AKAP13: variants seen among roughly 807,000 people sequenced by gnomAD.
The protein encoded by AKAP13 is A-kinase anchoring protein 13.
Under a neutral mutation model 264.5 loss-of-function variants are expected in AKAP13, and 80 were observed. That is an observed-to-expected ratio of 0.30 (90% CI 0.25 to 0.36). The LOEUF (loss-of-function observed/expected upper bound fraction) is 0.36. Ranked by LOEUF, AKAP13 falls within the 10% of genes least tolerant of loss-of-function variation. The pLI, the probability that AKAP13 is intolerant of heterozygous loss-of-function variation, is 1.00. For missense variants in AKAP13, 3,712 were observed against 3,435.2 expected (o/e 1.08, Z -2.01); for synonymous variants, 1,380 against 1,250.2 (o/e 1.10, Z -2.19).
intron 10 of AKAP13, among the ~76,000 whole-genome samples, chr15:85,648,313 A>G (rs1478513907): frequency 6.6e-6 from 1 of 152,242 alleles, no homozygotes; most frequent in Non-Finnish European, 1.5e-5. Context: ...TGTCTTTGTT[A>G]AGAAATACTT....
Position 85,581,135 on chromosome 15 carries a change from A to T in AKAP13, c.3067A>T (p.Ser1023Cys), listed in dbSNP as rs1166205201. The change falls in exon 7 of 37, where the codon AGT becomes TGT. Residue 1023 changes from serine (S) to cysteine (C), a missense_variant. By Grantham distance (112) the Ser-to-Cys change is moderately radical. Around this residue, in one of 3 missense-constraint regions of AKAP13, gnomAD observed 2,759 missense variants for 2,411.7 expected, o/e 1.14. Coordinates refer to ENST00000394518, the MANE Select transcript of AKAP13 (RefSeq NM_007200.5). ...AAQSLVPPGA[S>C]LATESRQEAL... is the part of the protein sequence containing the mutation. ...CCAGAGCCTGGTGCCACCAGGAGCAAGTCTGGCCACAGAGTCAAGGCAGGA... is the reference window on the plus strand; with the variant it reads ...CCAGAGCCTGGTGCCACCAGGAGCATGTCTGGCCACAGAGTCAAGGCAGGA... 1.2e-6 allele frequency: 2 copies of T among 1,614,040 alleles called. No individual in the cohort carries two copies. Among genetic ancestry groups the T allele is most frequent in the Non-Finnish European group, 1.7e-6 (2 of 1,179,954 alleles).
At chr15:85,738,359 T>C (rs2088695150) in intron 33 of AKAP13, among the ~76,000 whole-genome samples, 1 of 151,586 alleles carries the variant, frequency 6.6e-6, no homozygotes, top group Non-Finnish European at 1.5e-5. Context: ...ACCACTGCAC[T>C]CCAGCCTGGA....
At chr15:85,424,302 C>G (rs1403456688) in intron 1 of AKAP13, among the ~76,000 whole-genome samples, 1 of 152,176 alleles carries the variant, frequency 6.6e-6, no homozygotes, top group Non-Finnish European at 1.5e-5. Context: ...CATCATTTGT[C>G]TAGATTGTCT....
chr15:85,386,755 C>T (rs1020257171), intron 1 of AKAP13, among the ~76,000 whole-genome samples: 2 of 148,184 alleles, frequency 1.3e-5, no homozygotes, highest in South Asian at 4.2e-4. Flanking sequence ...CTGTTGATTA[C>T]CTTTGTGCCT....
chr15:85,520,172 A>T (rs74983058), intron 2 of AKAP13, among the ~76,000 whole-genome samples: 5 of 89,436 alleles, frequency 5.6e-5, no homozygotes, highest in South Asian at 2.9e-4. Flanking sequence ...GCCTTGATTT[A>T]AAAAAAAAAT....
At chr15:85,547,433 G>A (rs903627944) in intron 5 of AKAP13, among the ~76,000 whole-genome samples, 5 of 148,478 alleles carry the variant, frequency 3.4e-5, no homozygotes, top group Admixed American at 2.0e-4. Flanking sequence ...TTACTTCTGC[G>A]AAAATTATGA....
intron 8 of AKAP13, among the ~76,000 whole-genome samples, chr15:85,611,068 C>CA (rs1306382284): frequency 6.6e-6 from 1 of 152,144 alleles, no homozygotes; most frequent in African/African-American, 2.4e-5. Context: ...ACAACTACGC[C>CA]AGAACTACCC....
rs1036204435 is a variant in AKAP13 at position 85,740,582 on chromosome 15, A to G, written c.7608+310A>G. On this transcript the variant is annotated intron_variant, in intron 34 of 36. Coordinates refer to ENST00000394518, the MANE Select transcript of AKAP13 (RefSeq NM_007200.5). ...CTTAAGTATGATTATAAGTTTCTAT[A>G]TTCCGTATCTCTGTGGTATTTGAAT... The G allele has an allele frequency of 1.3e-5, 5 of 383,130 alleles. No homozygotes were observed. In the East Asian group the frequency reaches 2.3e-4, roughly 17 times the overall value. The allele number at this position is 383,130 out of a possible 1,614,324, so 23.7% of individuals were successfully genotyped here.
At chr15:85,741,729 C>CAAA (rs112524984) in intron 35 of AKAP13, among the ~76,000 whole-genome samples, 69 of 82,290 alleles carry the variant, frequency 8.4e-4, no homozygotes, top group Middle Eastern at 8.2e-3. Context: ...AACAAACAAA[C>CAAA]AAAAAAAAAA....
In AKAP13 at chr15:85,708,011, C is replaced by T; in HGVS notation, c.5465-8C>T. 6.2e-7 allele frequency: 1 copy of T among 1,613,678 alleles called. No homozygotes were observed. Among genetic ancestry groups the T allele is most frequent in the Non-Finnish European group, 8.5e-7 (1 of 1,179,716 alleles). ...GTCCATGTGACCTTGGGTTTGCTTT[C>T]TTTTCAGATTGCAGTGCTTTTGTCC... is the stretch of plus-strand genomic sequence containing the variant. On this transcript the variant is annotated splice_region_variant and splice_polypyrimidine_tract_variant and intron_variant, in intron 17 of 36. Coordinates refer to ENST00000394518, the MANE Select transcript of AKAP13 (RefSeq NM_007200.5). The surrounding 1 kb of genome is among the most constrained non-coding windows in gnomAD (Gnocchi z 4.3).
At chr15:85,526,689 A>G (rs2077055913) in intron 3 of AKAP13, among the ~76,000 whole-genome samples, 2 of 152,146 alleles carry the variant, frequency 1.3e-5, no homozygotes, top group African/African-American at 4.8e-5. Context: ...TTCATTAGAG[A>G]ATTCTGACAC....
chr15:85,578,772 G>A (rs748931711), intron 6 of AKAP13, among the ~76,000 whole-genome samples, 158 bp from the exon 7 acceptor site: 2 of 151,300 alleles, frequency 1.3e-5, no homozygotes, highest in Non-Finnish European at 2.9e-5. Context: ...TCAGAAATAA[G>A]AGGAAATTTA....
At chr15:85,669,097 G>C (rs555102814) in intron 13 of AKAP13, among the ~76,000 whole-genome samples, 24 of 152,124 alleles carry the variant, frequency 1.6e-4, no homozygotes, top group South Asian at 6.2e-4. Context: ...TTAGCTGCGC[G>C]TGGTGGCGCG....
chr15:85,579,042 C>G lies in AKAP13; in HGVS notation c.974C>G (p.Thr325Arg), dbSNP rs144753928. 2.9e-5 allele frequency: 47 copies of G among 1,614,040 alleles called. No individual in the cohort carries two copies. Among genetic ancestry groups the G allele is most frequent in the Non-Finnish European group, 3.8e-5 (45 of 1,180,054 alleles). ...TTTCTTCCCTGTGCACCGGAGCCCA[C>G]GGACCCTCAGCGACTTTCTTCTTCT... Reference protein sequence around the residue: ...GQFLPCAPEPTDPQRLSSSEE... With the variant: ...GQFLPCAPEPRDPQRLSSSEE... Residue 325 changes from threonine (T) to arginine (R), a missense_variant, in exon 7 of 37, where the codon ACG becomes AGG. Transcript: ENST00000394518.
chr15:85,519,326 AC>A (rs1175283032), intron 2 of AKAP13, among the ~76,000 whole-genome samples: 1 of 152,076 alleles, frequency 6.6e-6, no homozygotes, highest in Non-Finnish European at 1.5e-5. Flanking sequence ...CCTAACCCTA[AC>A]CCCCACACCC....
At position 85,543,954 on chromosome 15, in the gene AKAP13, G is replaced by A. The variant is rs1303650996; in HGVS notation, c.661G>A (p.Glu221Lys). The change falls in exon 5 of 37, where the codon GAG becomes AAG. Residue 221 changes from glutamate (E) to lysine (K), a missense_variant and splice_region_variant. Physicochemically the swap from Glu to Lys is moderately conservative, Grantham distance 56. Coordinates refer to ENST00000394518, the MANE Select transcript of AKAP13 (RefSeq NM_007200.5). ...TCACAAGCTGCACCAGCTTCTAACC[G>A]AGTAAGTGCTCCTTCTGCCTTATTT... is the stretch of plus-strand genomic sequence containing the variant. ...GYHKLHQLLT[E>K]ENAGEPDSWS... The A allele has an allele frequency of 5.0e-6, 8 of 1,611,268 alleles. No individual in the cohort carries two copies. Among genetic ancestry groups the A allele is most frequent in the Admixed American group, 3.3e-5 (2 of 59,922 alleles).
chr15:85,666,746 C>T (rs1418928648), intron 13 of AKAP13, among the ~76,000 whole-genome samples: 1 of 152,130 alleles, frequency 6.6e-6, no homozygotes, highest in Non-Finnish European at 1.5e-5. Flanking sequence ...CTAATCATCT[C>T]TTAATTTCTG....
chr15:85,516,772 G>A (rs2076616080), intron 2 of AKAP13, among the ~76,000 whole-genome samples: 2 of 152,060 alleles, frequency 1.3e-5, no homozygotes, highest in South Asian at 4.1e-4. Flanking sequence ...TCCCATAATG[G>A]TTGATTTCAG....
intron 1 of AKAP13, among the ~76,000 whole-genome samples, chr15:85,478,242 A>G (rs1450263466): frequency 2.6e-5 from 4 of 152,198 alleles, no homozygotes; most frequent in Non-Finnish European, 4.4e-5. Flanking sequence ...ATGTGAAATT[A>G]TCTCCCTTTA....
Sources: allele counts gnomAD v4.1 joint callset (sites outside exome capture counted in the v4.1 genomes callset), GRCh38; gene constraint gnomAD v4.1.1; regional missense constraint gnomAD v4.1.1; non-coding constraint Gnocchi (gnomAD v3.1); transcripts MANE v1.5; gene names NCBI Gene and HGNC (gene_info 2026-07-23, HGNC 2026-07-21).